Variants in RAI14 observed in about 807,000 individuals in gnomAD.
RAI14 encodes the protein ankycorbin.
In RAI14, 45 loss-of-function variants were observed where a neutral mutation model predicts 115.4. That is an observed-to-expected ratio of 0.39 (90% CI 0.31 to 0.50). The LOEUF (loss-of-function observed/expected upper bound fraction) is 0.50. RAI14 is among the 20% of genes least tolerant of loss of function. The pLI is 0.85. For missense variants in RAI14, 939 were observed against 1,131.2 expected (o/e 0.83, Z 2.44); for synonymous variants, 371 against 415.4 (o/e 0.89, Z 1.30).
chr5:34,795,350 T>C (rs1176488070), intron 3 of RAI14, among the ~76,000 whole-genome samples: 1 of 152,200 alleles, frequency 6.6e-6, no homozygotes, highest in Non-Finnish European at 1.5e-5. Context: ...AGAGCTGTCA[T>C]AGGAATGAAA....
intron 3 of RAI14, among the ~76,000 whole-genome samples, chr5:34,782,045 G>A (rs1751711226): frequency 6.6e-6 from 1 of 152,234 alleles, no homozygotes; most frequent in Non-Finnish European, 1.5e-5. Flanking sequence ...ATGTCCTTAA[G>A]CCACAGATCA....
At chr5:34,764,909 A>C (rs192323320) in intron 3 of RAI14, among the ~76,000 whole-genome samples, 1 of 152,248 alleles carries the variant, frequency 6.6e-6, no homozygotes, top group East Asian at 1.9e-4. Context: ...CATAATTCCC[A>C]TGTGTTGTGG....
intron 2 of RAI14, among the ~76,000 whole-genome samples, chr5:34,706,373 G>A (rs1443637378): frequency 2.0e-5 from 3 of 152,088 alleles, no homozygotes; most frequent in African/African-American, 7.2e-5. Context: ...TTAAACTGAG[G>A]ACAATGAAGA....
At chr5:34,669,375 T>C (rs948453457) in intron 1 of RAI14, among the ~76,000 whole-genome samples, 2 of 152,234 alleles carry the variant, frequency 1.3e-5, no homozygotes, top group Admixed American at 6.5e-5. Flanking sequence ...CAGGCTTTCT[T>C]TCTGTCTCTT....
At chr5:34,738,136 T>C (rs1745089060) in intron 2 of RAI14, among the ~76,000 whole-genome samples, 1 of 152,134 alleles carries the variant, frequency 6.6e-6, no homozygotes, top group Non-Finnish European at 1.5e-5. Flanking sequence ...TCAAATATTT[T>C]AGTCCAGGCC....
At chr5:34,810,741 T>C (rs1427967632) in intron 7 of RAI14, among the ~76,000 whole-genome samples, 1 of 152,072 alleles carries the variant, frequency 6.6e-6, no homozygotes, top group Admixed American at 6.6e-5. Flanking sequence ...TCTCTCACAG[T>C]CACCCAAACA....
Position 34,791,666 on chromosome 5 carries a change from C to G in RAI14, c.168-4273C>G, listed in dbSNP as rs1000569413. On this transcript the variant is annotated intron_variant, in intron 3 of 17. Coordinates refer to ENST00000265109, the MANE Select transcript of RAI14 (RefSeq NM_015577.3). The surrounding 1 kb of genome is among the most constrained non-coding windows in gnomAD (Gnocchi z 5.4). ...CATCAAATAGGATAATTGATGAGAG[C>G]TTAAGAAAGGAACTATTTACAAATA... 1.3e-5 allele frequency among the ~76,000 whole-genome samples: 2 copies of G among 152,138 alleles called. No homozygotes were observed. Among genetic ancestry groups the G allele is most frequent in the African/African-American group, 2.4e-5 (1 of 41,424 alleles).
intron 2 of RAI14, among the ~76,000 whole-genome samples, chr5:34,719,447 T>C (rs1742396004): frequency 6.6e-6 from 1 of 152,238 alleles, no homozygotes; most frequent in African/African-American, 2.4e-5. Context: ...AAATAGATTA[T>C]GCCTCTTGAT....
intron 1 of RAI14, chr5:34,656,826 G>A (rs1742303491): frequency 6.5e-6 from 1 of 152,718 alleles, no homozygotes; most frequent in Admixed American, 6.5e-5. Context: ...GCGCGGGTGG[G>A]AATGAATGAG....
intron 4 of RAI14, among the ~76,000 whole-genome samples, chr5:34,798,459 C>CT (rs1753811779): frequency 6.6e-6 from 1 of 151,568 alleles, no homozygotes; most frequent in Non-Finnish European, 1.5e-5. Flanking sequence ...AAAAATATTT[C>CT]TATTTTGTTG....
At chr5:34,755,925 G>A (rs1198589407) in intron 2 of RAI14, among the ~76,000 whole-genome samples, 1 of 152,200 alleles carries the variant, frequency 6.6e-6, no homozygotes, top group Non-Finnish European at 1.5e-5. Context: ...CACACAACAT[G>A]TAAGTGTCAG....
At chr5:34,716,488 C>T (rs1164884844) in intron 2 of RAI14, among the ~76,000 whole-genome samples, 1 of 151,916 alleles carries the variant, frequency 6.6e-6, no homozygotes, top group Non-Finnish European at 1.5e-5. Flanking sequence ...TCTCGGCTCA[C>T]TGAAACCTCC....
intron 1 of RAI14, among the ~76,000 whole-genome samples, chr5:34,673,864 C>T (rs528970952): frequency 2.0e-5 from 3 of 152,298 alleles, no homozygotes; most frequent in South Asian, 2.1e-4. Context: ...ACCTCCCCTC[C>T]CCCAACTCTA....
At chr5:34,664,157 C>CT (rs879785679) in intron 1 of RAI14, among the ~76,000 whole-genome samples, 9 of 150,998 alleles carry the variant, frequency 6.0e-5, no homozygotes, top group Admixed American at 2.6e-4. Flanking sequence ...TACATGGGCT[C>CT]TTTTTTTTTC....
At chr5:34,790,259 G>A (rs960328522) in intron 3 of RAI14, among the ~76,000 whole-genome samples, 5 of 152,172 alleles carry the variant, frequency 3.3e-5, no homozygotes, top group African/African-American at 9.7e-5. Flanking sequence ...GAGTGAGCCT[G>A]CTCTTTCAGT....
rs180846679 is a variant in RAI14, at chr5:34,815,242, A to T, written c.939+573A>T. Among the ~76,000 whole-genome samples, 327 of 152,164 alleles carry T rather than the reference A, an allele frequency of 2.1e-3. 2 individuals carry two copies. Among genetic ancestry groups the T allele is most frequent in the African/African-American group, 7.3e-3 (302 of 41,538 alleles). ...CTAAAAGTACAAAAATTAGCTGGGC[A>T]TGATGGTGCGCACCTTTAATCCCAG... On this transcript the variant is annotated intron_variant, in intron 12 of 17. Coordinates refer to ENST00000265109, the MANE Select transcript of RAI14 (RefSeq NM_015577.3).
intron 2 of RAI14, among the ~76,000 whole-genome samples, chr5:34,701,010 A>G (rs1012882608): frequency 1.3e-5 from 2 of 152,236 alleles, no homozygotes; most frequent in Non-Finnish European, 2.9e-5. Flanking sequence ...TACCAGAAAC[A>G]TAAGAAAAGA....
chr5:34,730,524 C>T (rs369273764), intron 2 of RAI14, among the ~76,000 whole-genome samples: 12 of 151,616 alleles, frequency 7.9e-5, no homozygotes, highest in Admixed American at 7.9e-4. Flanking sequence ...AAAAATACAA[C>T]AATTAGCCAG....
At chr5:34,732,260 T>G (rs1221522300) in intron 2 of RAI14, among the ~76,000 whole-genome samples, 1 of 151,636 alleles carries the variant, frequency 6.6e-6, no homozygotes, top group East Asian at 1.9e-4. Context: ...CCAGGAGGGG[T>G]TTTAATCACT....
Sources: allele counts gnomAD v4.1 joint callset (sites outside exome capture counted in the v4.1 genomes callset), GRCh38; gene constraint gnomAD v4.1.1; non-coding constraint Gnocchi (gnomAD v3.1); transcripts MANE v1.5; gene names NCBI Gene and HGNC (gene_info 2026-07-23, HGNC 2026-07-21).